SLC25A11: variants seen among roughly 807,000 people sequenced by gnomAD.
The protein encoded by SLC25A11 is solute carrier family 25 member 11.
Under a neutral mutation model 32.7 loss-of-function variants are expected in SLC25A11, and 11 were observed. The ratio of observed to expected loss-of-function variants is 0.34; its 90% CI spans 0.21 to 0.56. The LOEUF is 0.56. Ranked by LOEUF, SLC25A11 falls within the 20% of genes least tolerant of loss-of-function variation. SLC25A11 has a pLI of 0.90. For synonymous variants in SLC25A11, 163 were observed against 168.3 expected, an observed-to-expected ratio of 0.97 and a Z score of 0.24; for missense variants, 295 against 426.3, an observed-to-expected ratio of 0.69 and a Z score of 2.71.
In SLC25A11 at chr17:4,937,829, T is replaced by G; in HGVS notation, c.857A>C (p.Tyr286Ser). The change falls in exon 8 of 8, where the codon TAT (tyrosine) becomes TCT (serine). Residue 286 changes from tyrosine to serine, a missense_variant. By Grantham distance (144) the Tyr-to-Ser change is moderately radical. Around this residue, in one of 3 missense-constraint regions of SLC25A11, gnomAD observed 142 missense variants for 197.8 expected, o/e 0.72. Transcript: ENST00000225665. ...GACGGTGTGGGGGCCCAGGCGGGCA[T>G]AGTACGGCGTGAAGCCCTTCCACAG... is the stretch of plus-strand genomic sequence containing the variant. Reference protein sequence around the residue: ...FSLWKGFTPYYARLGPHTVLT... With the variant: ...FSLWKGFTPYSARLGPHTVLT... The G allele has an allele frequency of 6.2e-7, 1 of 1,614,154 alleles. No homozygotes were observed. Among genetic ancestry groups the G allele is most frequent in the Non-Finnish European group, 8.5e-7 (1 of 1,180,024 alleles).
chr17:4,939,448 C>T lies in SLC25A11; in HGVS notation c.96-236G>A. The T allele has an allele frequency of 1.7e-6, 1 of 592,634 alleles. No homozygotes were observed. Among genetic ancestry groups the T allele is most frequent in the Non-Finnish European group, 3.0e-6 (1 of 335,446 alleles). The allele number at this position is 592,634 out of a possible 1,614,324, so 36.7% of individuals were successfully genotyped here. A position where few individuals can be genotyped will look rare whatever the true frequency, so the allele number is the denominator to read the frequency against. The stretch of plus-strand genomic sequence containing the variant: ...GTGCTCCAAGCAGCTTCATGACAGT[C>T]AAGCAGTGACCTGGGGCTGCACGCA... On this transcript the variant is annotated intron_variant, in intron 1 of 7. Coordinates refer to ENST00000225665, the MANE Select transcript of SLC25A11 (RefSeq NM_003562.5). This position sits in a 1 kb window ranked among gnomAD's most constrained non-coding sequence, Gnocchi z 4.1.
Position 4,939,964 on chromosome 17 carries a change from G to T in SLC25A11, c.-54C>A. ...CCCGTGCGCGCGCGGCCCCGCTCGC[G>T]CCCAAGGTGACACCGCGCGCGCAAC... On this transcript the variant is annotated 5_prime_UTR_variant, in exon 1 of 8. Transcript: ENST00000225665. The surrounding 1 kb of genome is among the most constrained non-coding windows in gnomAD (Gnocchi z 4.1). The T allele has an allele frequency of 7.1e-7, 1 of 1,412,488 alleles. No individual in the cohort carries two copies. The highest frequency in any genetic ancestry group is 2.5e-5 in the Admixed American group (1 of 40,134). The allele number at this position is 1,412,488 out of a possible 1,614,324, so 87.5% of individuals were successfully genotyped here.
chr17:4,939,675 T>G lies in SLC25A11; in HGVS notation c.95+141A>C. ...CCTGCAATGGGGCCCTAGCAGCCCA[T>G]CGGGGAACTCGCAATACGCTGGAGA... On this transcript the variant is annotated intron_variant, in intron 1 of 7. Coordinates refer to ENST00000225665, the MANE Select transcript of SLC25A11 (RefSeq NM_003562.5). This position sits in a 1 kb window ranked among gnomAD's most constrained non-coding sequence, Gnocchi z 4.1. 1 of 731,056 alleles carries G rather than the reference T, an allele frequency of 1.4e-6. No homozygotes were observed. 45.3% of individuals were successfully genotyped at this position (731,056 alleles called of 1,614,324 possible). A position where few individuals can be genotyped will look rare whatever the true frequency, so the allele number is the denominator to read the frequency against.
chr17:4,939,569 G>A lies in SLC25A11; in HGVS notation c.95+247C>T, dbSNP rs1399553358. 1 of 581,108 alleles carries A rather than the reference G, an allele frequency of 1.7e-6. No homozygotes were observed. Among genetic ancestry groups the A allele is most frequent in the South Asian group, 2.2e-5 (1 of 45,760 alleles). The allele number at this position is 581,108 out of a possible 1,614,324, so 36.0% of individuals were successfully genotyped here. Reference sequence around the variant, plus strand: ...AATGGCCTGGAACCCCCTGCCGCCCGGCCGAGCTTAGCAATGCGCTGGGAA... The same window carrying A: ...AATGGCCTGGAACCCCCTGCCGCCCAGCCGAGCTTAGCAATGCGCTGGGAA... On this transcript the variant is annotated intron_variant, in intron 1 of 7. Transcript: ENST00000225665. The surrounding 1 kb of genome is among the most constrained non-coding windows in gnomAD (Gnocchi z 4.1).
Position 4,939,399 on chromosome 17 carries a change from T to C in SLC25A11, c.96-187A>G. The C allele has an allele frequency of 1.5e-6, 1 of 654,934 alleles. No homozygotes were observed. The highest frequency in any genetic ancestry group is 2.6e-6 in the Non-Finnish European group (1 of 389,040). The allele number at this position is 654,934 out of a possible 1,614,324, so 40.6% of individuals were successfully genotyped here. A position where few individuals can be genotyped will look rare whatever the true frequency, so the allele number is the denominator to read the frequency against. On this transcript the variant is annotated intron_variant, in intron 1 of 7. Coordinates refer to ENST00000225665, the MANE Select transcript of SLC25A11 (RefSeq NM_003562.5). The surrounding 1 kb of genome is among the most constrained non-coding windows in gnomAD (Gnocchi z 4.1). ...GCAACGGGTCTGAAAAGTCTAGTTG[T>C]CCAGTAGGGGCCATGCAATGAAAGT...
rs1365546559 is a variant in SLC25A11, at chr17:4,939,409, G to A, written c.96-197C>T. ...TGAAAAGTCTAGTTGTCCAGTAGGG[G>A]CCATGCAATGAAAGTGCTCCAAGCA... On this transcript the variant is annotated intron_variant, in intron 1 of 7. Transcript: ENST00000225665. The surrounding 1 kb of genome is among the most constrained non-coding windows in gnomAD (Gnocchi z 4.1). The A allele has an allele frequency of 6.3e-6, 4 of 630,876 alleles. No homozygotes were observed. The highest frequency in any genetic ancestry group is 1.1e-5 in the Non-Finnish European group (4 of 367,778). The allele number at this position is 630,876 out of a possible 1,614,324, so 39.1% of individuals were successfully genotyped here.
chr17:4,938,050 A>C lies in SLC25A11; in HGVS notation c.762T>G (p.Asp254Glu). ...GCCCGTTCTTGTATTCCGGCTTCCC[A>C]TCAATCATCCGCATGTTCTGGATTC... is the stretch of plus-strand genomic sequence containing the variant. ...KTRIQNMRMI[D>E]GKPEYKNGLD... The change falls in exon 7 of 8, where the codon GAT becomes GAG. Residue 254 changes from aspartate to glutamate, a missense_variant. By Grantham distance (45) the Asp-to-Glu change is conservative (BLOSUM62 2). Coordinates refer to ENST00000225665, the MANE Select transcript of SLC25A11 (RefSeq NM_003562.5). The surrounding 1 kb of genome is among the most constrained non-coding windows in gnomAD (Gnocchi z 7.6). 6.2e-7 allele frequency: 1 copy of C among 1,613,990 alleles called. No individual in the cohort carries two copies. The highest frequency in any genetic ancestry group is 8.5e-7 in the Non-Finnish European group (1 of 1,179,968).
At position 4,938,608 on chromosome 17, in the gene SLC25A11, G is replaced by A. The variant is rs768623748; in HGVS notation, c.456-6C>T. Reference sequence around the variant, plus strand: ...GGCGCTGGTCAGCTGGAAGCCTGGTGGGAAGGCAGAAAGAGGTCAAGATCA... The same window carrying A: ...GGCGCTGGTCAGCTGGAAGCCTGGTAGGAAGGCAGAAAGAGGTCAAGATCA... On this transcript the variant is annotated splice_polypyrimidine_tract_variant and splice_region_variant and intron_variant, in intron 3 of 7. Coordinates refer to ENST00000225665, the MANE Select transcript of SLC25A11 (RefSeq NM_003562.5). The surrounding 1 kb of genome is among the most constrained non-coding windows in gnomAD (Gnocchi z 7.6). 1.9e-6 allele frequency: 3 copies of A among 1,613,774 alleles called. No homozygotes were observed. Among genetic ancestry groups the A allele is most frequent in the Non-Finnish European group, 2.5e-6 (3 of 1,179,806 alleles).
chr17:4,938,014 C>T lies in SLC25A11; in HGVS notation c.789+9G>A, dbSNP rs773625203. 2 of 1,614,188 alleles carry T rather than the reference C, an allele frequency of 1.2e-6. No homozygotes were observed. Among genetic ancestry groups the T allele is most frequent in the South Asian group, 2.2e-5 (2 of 91,090 alleles). ...ACCCCCTCCCAGGCCCCCAGAATGGCTTCCTCACCAGCCCGTTCTTGTATT... is the reference window on the plus strand; with the variant it reads ...ACCCCCTCCCAGGCCCCCAGAATGGTTTCCTCACCAGCCCGTTCTTGTATT... On this transcript the variant is annotated intron_variant, in intron 7 of 7. Transcript: ENST00000225665. This position sits in a 1 kb window ranked among gnomAD's most constrained non-coding sequence, Gnocchi z 7.6.
chr17:4,938,700 A>G lies in SLC25A11; in HGVS notation c.455+69T>C, dbSNP rs1308672522. 1 of 1,588,306 alleles carries G rather than the reference A, an allele frequency of 6.3e-7. No individual in the cohort carries two copies. Among genetic ancestry groups the G allele is most frequent in the Non-Finnish European group, 8.6e-7 (1 of 1,158,782 alleles). ...AAACACTCTGCTCCAGATCCGGGAT[A>G]AAAAACTGGTCCTTTCATTCTAGAT... is the stretch of plus-strand genomic sequence containing the variant. On this transcript the variant is annotated intron_variant, in intron 3 of 7. Transcript: ENST00000225665. This position sits in a 1 kb window ranked among gnomAD's most constrained non-coding sequence, Gnocchi z 7.6.
Position 4,939,309 on chromosome 17 carries a change from G to T in SLC25A11, c.96-97C>A. 1 of 1,323,830 alleles carries T rather than the reference G, an allele frequency of 7.6e-7. No homozygotes were observed. The highest frequency in any genetic ancestry group is 1.0e-6 in the Non-Finnish European group (1 of 975,820). The allele number at this position is 1,323,830 out of a possible 1,614,324, so 82.0% of individuals were successfully genotyped here. The stretch of plus-strand genomic sequence containing the variant: ...CAAGAGGTTACAAAGGTCAGGGCCT[G>T]CCATGCGATTCAAGAATCAGGATGC... On this transcript the variant is annotated intron_variant, in intron 1 of 7. Transcript: ENST00000225665. This position sits in a 1 kb window ranked among gnomAD's most constrained non-coding sequence, Gnocchi z 4.1.
Position 4,939,916 on chromosome 17 carries a change from C to G in SLC25A11, c.-6G>C. On this transcript the variant is annotated 5_prime_UTR_variant, in exon 1 of 8. Transcript: ENST00000225665. The surrounding 1 kb of genome is among the most constrained non-coding windows in gnomAD (Gnocchi z 4.1). ...GCACTCGCCGTCGCCGCCATCGCCA[C>G]TCAATGGCCCTCGGCTCCGGGTCCC... 1 of 1,608,234 alleles carries G rather than the reference C, an allele frequency of 6.2e-7. No homozygotes were observed. The highest frequency in any genetic ancestry group is 1.1e-5 in the South Asian group (1 of 90,616).
In SLC25A11 at chr17:4,938,790, A is replaced by G; in HGVS notation, c.434T>C (p.Ile145Thr). The G allele has an allele frequency of 1.9e-6, 3 of 1,612,654 alleles. No homozygotes were observed. Among genetic ancestry groups the G allele is most frequent in the Non-Finnish European group, 2.5e-6 (3 of 1,178,988 alleles). ...FVGTPAEVAL[I>T]RMTADGRLPA... Reference sequence around the variant, plus strand: ...TCACCGGCCATCGGCAGTCATGCGGATAAGAGCCACTTCGGCTGGTGTTCC... The same window carrying G: ...TCACCGGCCATCGGCAGTCATGCGGGTAAGAGCCACTTCGGCTGGTGTTCC... Residue 145 changes from isoleucine (I) to threonine (T), a missense_variant, in exon 3 of 8, where the codon ATC (isoleucine) becomes ACC (threonine). Ile to Thr is a moderately conservative substitution (Grantham distance 89). This residue lies in a region of SLC25A11 where 49 missense variants were observed against 106.9 expected (regional missense o/e 0.46). Transcript: ENST00000225665. This position sits in a 1 kb window ranked among gnomAD's most constrained non-coding sequence, Gnocchi z 7.6.
chr17:4,939,843 A>G lies in SLC25A11; in HGVS notation c.68T>C (p.Val23Ala), dbSNP rs1481939591. ...DGKPRTSPKS[V>A]KFLFGGLAGM... ...GGCCAGGCCCCCAAACAGGAACTTGACGGACTTAGGGGAGGTACGGGGCTT... is the reference window on the plus strand; with the variant it reads ...GGCCAGGCCCCCAAACAGGAACTTGGCGGACTTAGGGGAGGTACGGGGCTT... Residue 23 changes from valine (V) to alanine (A), a missense_variant, in exon 1 of 8, where the codon GTC becomes GCC. This residue lies in a region of SLC25A11 where 104 missense variants were observed against 121.5 expected (regional missense o/e 0.86). Transcript: ENST00000225665. The surrounding 1 kb of genome is among the most constrained non-coding windows in gnomAD (Gnocchi z 4.1). 6.2e-7 allele frequency: 1 copy of G among 1,612,470 alleles called. No individual in the cohort carries two copies. Among genetic ancestry groups the G allele is most frequent in the Non-Finnish European group, 8.5e-7 (1 of 1,179,642 alleles).
chr17:4,938,916 G>C lies in SLC25A11; in HGVS notation c.308C>G (p.Thr103Ser). The C allele has an allele frequency of 6.2e-7, 1 of 1,614,154 alleles. No individual in the cohort carries two copies. Among genetic ancestry groups the C allele is most frequent in the South Asian group, 1.1e-5 (1 of 91,086 alleles). Residue 103 changes from threonine to serine, a missense_variant, in exon 3 of 8, where the codon ACC becomes AGC. Thr to Ser is a moderately conservative substitution (Grantham distance 58, BLOSUM62 1). This residue lies in a region of SLC25A11 where 49 missense variants were observed against 106.9 expected (regional missense o/e 0.46). Transcript: ENST00000225665. This position sits in a 1 kb window ranked among gnomAD's most constrained non-coding sequence, Gnocchi z 7.6. ...CCCAGTCAGGCGCTCAAACAGCACG[G>C]TATAGATGCCAAGGCGGGTAGTGGT... ...TYTTTRLGIY[T>S]VLFERLTGAD...
Position 4,939,247 on chromosome 17 carries a change from C to A in SLC25A11, c.96-35G>T, listed in dbSNP as rs1383248319. On this transcript the variant is annotated intron_variant, in intron 1 of 7. Transcript: ENST00000225665. The surrounding 1 kb of genome is among the most constrained non-coding windows in gnomAD (Gnocchi z 4.1). ...GACAGAGGTGGAGTGAAGGGCCAGGCATTCCAGATCTACCAGTGCCCACTG... is the reference window on the plus strand; with the variant it reads ...GACAGAGGTGGAGTGAAGGGCCAGGAATTCCAGATCTACCAGTGCCCACTG... 3.2e-6 allele frequency: 5 copies of A among 1,583,170 alleles called. No individual in the cohort carries two copies. Among genetic ancestry groups the A allele is most frequent in the Non-Finnish European group, 4.3e-6 (5 of 1,159,662 alleles).
Position 4,938,789 on chromosome 17 carries a change from G to A in SLC25A11, c.435C>T (p.Ile145=), listed in dbSNP as rs747871720. ...FVGTPAEVAL[I]RMTADGRLPA... is the part of the protein sequence containing the mutation. ...CTCACCGGCCATCGGCAGTCATGCG[G>A]ATAAGAGCCACTTCGGCTGGTGTTC... Residue 145 remains isoleucine, a synonymous_variant, in exon 3 of 8, where the codon ATC becomes ATT. Transcript: ENST00000225665. The surrounding 1 kb of genome is among the most constrained non-coding windows in gnomAD (Gnocchi z 7.6). 4.4e-5 allele frequency: 71 copies of A among 1,612,456 alleles called. No homozygotes were observed. The highest frequency in any genetic ancestry group is 6.0e-5 in the Non-Finnish European group (71 of 1,178,924).
chr17:4,937,540 T>C lies in SLC25A11; in HGVS notation c.*201A>G, dbSNP rs1403748905. The C allele has an allele frequency of 1.9e-6, 1 of 525,806 alleles. No homozygotes were observed. Among genetic ancestry groups the C allele is most frequent in the Non-Finnish European group, 3.1e-6 (1 of 319,284 alleles). The allele number at this position is 525,806 out of a possible 1,614,324, so 32.6% of individuals were successfully genotyped here. A position where few individuals can be genotyped will look rare whatever the true frequency, so the allele number is the denominator to read the frequency against. On this transcript the variant is annotated 3_prime_UTR_variant, in exon 8 of 8. Coordinates refer to ENST00000225665, the MANE Select transcript of SLC25A11 (RefSeq NM_003562.5). ...GAAGTTTTCCAGCTCCCTGCAAGAA[T>C]AGCCAAGGACAGAGAAATCACAGGA... is the stretch of plus-strand genomic sequence containing the variant.
Position 4,938,912 on chromosome 17 carries a change from C to G in SLC25A11, c.312G>C (p.Val104=). ...CAGCCCCAGTCAGGCGCTCAAACAG[C>G]ACGGTATAGATGCCAAGGCGGGTAG... The part of the protein sequence containing the change: ...YTTTRLGIYT[V]LFERLTGADG... Residue 104 remains valine (V), a synonymous_variant, in exon 3 of 8, where the codon GTG becomes GTC. Transcript: ENST00000225665. The surrounding 1 kb of genome is among the most constrained non-coding windows in gnomAD (Gnocchi z 7.6). The G allele has an allele frequency of 6.2e-7, 1 of 1,614,184 alleles. No homozygotes were observed. The highest frequency in any genetic ancestry group is 8.5e-7 in the Non-Finnish European group (1 of 1,180,038).
Sources: allele counts gnomAD v4.1 joint callset, GRCh38; gene constraint gnomAD v4.1.1; regional missense constraint gnomAD v4.1.1; non-coding constraint Gnocchi (gnomAD v3.1); transcripts MANE v1.5; gene names NCBI Gene and HGNC (gene_info 2026-07-23, HGNC 2026-07-21).